Variants in AP3B1 observed in about 807,000 individuals in gnomAD.
AP3B1 encodes AP-3 complex subunit beta-1.
Under a neutral mutation model 132.5 loss-of-function variants are expected in AP3B1, and 61 were observed. The ratio of observed to expected loss-of-function variants is 0.46; its 90% CI spans 0.37 to 0.57. AP3B1 has a LOEUF of 0.57. Among genes scored for constraint, AP3B1 ranks in the 20% least tolerant of loss-of-function variants. The pLI is 0.00. For synonymous variants in AP3B1, 388 were observed against 438.3 expected (o/e 0.89, Z 1.43); for missense variants, 1,120 against 1,289.4 (o/e 0.87, Z 2.01).
chr5:78,003,709 G>A (rs980645648), intron 26 of AP3B1, among the ~76,000 whole-genome samples: 1 of 152,162 alleles, frequency 6.6e-6, no homozygotes, highest in Non-Finnish European at 1.5e-5. Context: ...TTTCTGTAGA[G>A]TGTAAACAAA....
Position 78,193,744 on chromosome 5 carries a change from TTATATATA to T in AP3B1, c.787-12090_787-12083del, listed in dbSNP as rs10602406. ...TTTTTAAATATTTGTATATATTTTT[TTATATATA>T]TATATATATATATATATATTTTTTT... On this transcript the variant is annotated intron_variant, in intron 7 of 26. Coordinates refer to ENST00000255194, the MANE Select transcript of AP3B1 (RefSeq NM_003664.5). Among the ~76,000 whole-genome samples, 601 of 110,384 alleles carry T rather than the reference TTATATATA, an allele frequency of 5.4e-3. 11 individuals are homozygous for T. Among genetic ancestry groups the T allele is most frequent in the Middle Eastern group, 0.024 (4 of 168 alleles). 72.4% of individuals were successfully genotyped at this position (110,384 alleles called of 152,430 possible).
chr5:78,007,447 T>C (rs75085359), intron 26 of AP3B1, among the ~76,000 whole-genome samples: 5 of 151,298 alleles, frequency 3.3e-5, no homozygotes, highest in African/African-American at 1.2e-4. Context: ...TTTTTTTTTT[T>C]GTACTCTGTA....
intron 3 of AP3B1, among the ~76,000 whole-genome samples, chr5:78,240,510 T>C (rs1372526997): frequency 6.6e-6 from 1 of 152,178 alleles, no homozygotes; most frequent in Non-Finnish European, 1.5e-5. Flanking sequence ...CATCAAGGTC[T>C]GGATATACCC....
In AP3B1 at chr5:78,019,775, A is replaced by G. The variant is rs1747012129; in HGVS notation, c.2992+917T>C. 2.6e-5 allele frequency among the ~76,000 whole-genome samples: 4 copies of G among 152,108 alleles called. 1 individual carries two copies. The South Asian group carries it at 8.3e-4, about 32-fold the overall frequency. ...AAAACAGTATCTTCAGCACAATAGC[A>G]GAGTGCCAGGAAGCGTGCCCCTCTT... On this transcript the variant is annotated intron_variant, in intron 25 of 26. Transcript: ENST00000255194.
intron 1 of AP3B1, among the ~76,000 whole-genome samples, chr5:78,279,736 T>A (rs1479164509): frequency 2.0e-5 from 3 of 150,300 alleles, no homozygotes; most frequent in African/African-American, 7.3e-5. Flanking sequence ...TAGGGAGACC[T>A]AATCTCTACA....
At chr5:78,020,987 C>T (rs1385330008) in intron 24 of AP3B1, among the ~76,000 whole-genome samples, 198 bp from the exon 25 acceptor site, 1 of 151,922 alleles carries the variant, frequency 6.6e-6, no homozygotes, top group African/African-American at 2.4e-5. Context: ...TCTGTTATCT[C>T]AATCAAGATT....
Position 78,245,202 on chromosome 5 carries a change from T to A in AP3B1, c.205-4266A>T, listed in dbSNP as rs568509053. Among the ~76,000 whole-genome samples, 10 of 152,144 alleles carry A rather than the reference T, an allele frequency of 6.6e-5. 1 individual carries two copies. The highest frequency in any genetic ancestry group is 1.5e-5 in the Non-Finnish European group (1 of 68,018). The stretch of plus-strand genomic sequence containing the variant: ...TATTTATTGAGTACAATCACTTAGA[T>A]CTGAGAAGCAGACGTTCAGGGCGAA... On this transcript the variant is annotated intron_variant, in intron 2 of 26. Coordinates refer to ENST00000255194, the MANE Select transcript of AP3B1 (RefSeq NM_003664.5).
intron 11 of AP3B1, among the ~76,000 whole-genome samples, chr5:78,168,447 C>G (rs1211914049): frequency 1.3e-5 from 2 of 151,994 alleles, no homozygotes. Context: ...TGGTCTCAAA[C>G]TCCTAGGCTC....
intron 6 of AP3B1, 145 bp from the exon 7 acceptor site, chr5:78,216,382 T>C (rs886497171): frequency 5.1e-6 from 4 of 781,514 alleles, no homozygotes; most frequent in African/African-American, 3.5e-5. Flanking sequence ...CATGTTTGAA[T>C]AACAAACTTT....
intron 15 of AP3B1, among the ~76,000 whole-genome samples, chr5:78,132,256 T>C (rs1333107597): frequency 6.6e-6 from 1 of 152,166 alleles, no homozygotes; most frequent in Admixed American, 6.5e-5. Context: ...AATAAGAACA[T>C]TGATTTTTAC....
chr5:78,068,358 A>AAGAAGGAGAAGGAGAAGG (rs113811186), intron 22 of AP3B1, among the ~76,000 whole-genome samples: 2 of 150,952 alleles, frequency 1.3e-5, no homozygotes, highest in African/African-American at 4.9e-5. Flanking sequence ...AAGAAGAAGA[A>AAGAAGGAGAAGGAGAAGG]AGAAGGAGAA....
In AP3B1 at chr5:78,243,054, T is replaced by C. The variant is rs537324035; in HGVS notation, c.205-2118A>G. ...CAATTTCTTATAAGAACTTTCTATATGATAGCCTTAAAATATTCTTGAATA... is the reference window on the plus strand; with the variant it reads ...CAATTTCTTATAAGAACTTTCTATACGATAGCCTTAAAATATTCTTGAATA... On this transcript the variant is annotated intron_variant, in intron 2 of 26. Transcript: ENST00000255194. Among the ~76,000 whole-genome samples, 108 of 152,352 alleles carry C rather than the reference T, an allele frequency of 7.1e-4. 1 individual carries two copies. Among genetic ancestry groups the C allele is most frequent in the Admixed American group, 3.9e-3 (59 of 15,300 alleles).
intron 22 of AP3B1, among the ~76,000 whole-genome samples, chr5:78,039,753 G>A (rs1747976853): frequency 6.7e-6 from 1 of 148,254 alleles, no homozygotes; most frequent in Admixed American, 6.7e-5. Context: ...ACTCCAGCCT[G>A]GGCGACAGAG....
intron 8 of AP3B1, 106 bp from the exon 9 acceptor site, chr5:78,177,542 T>C (rs1744198153): frequency 1.2e-6 from 1 of 852,244 alleles, no homozygotes; most frequent in Non-Finnish European, 2.0e-6. Flanking sequence ...CAAATTCCTG[T>C]GACGTAAAAT....
chr5:78,101,645 A>C (rs759499717), intron 20 of AP3B1, among the ~76,000 whole-genome samples: 1 of 152,096 alleles, frequency 6.6e-6, no homozygotes, highest in Non-Finnish European at 1.5e-5. Context: ...TTTCAAAAAC[A>C]TATCTGCATA....
intron 17 of AP3B1, among the ~76,000 whole-genome samples, chr5:78,119,377 T>C (rs1161209153): frequency 6.6e-6 from 1 of 151,920 alleles, no homozygotes; most frequent in African/African-American, 2.4e-5. Context: ...AGGCTTCAGA[T>C]GATCAAACTA....
intron 11 of AP3B1, among the ~76,000 whole-genome samples, 196 bp downstream of exon 11, chr5:78,175,430 G>A (rs1744107899): frequency 6.6e-6 from 1 of 152,096 alleles, no homozygotes; most frequent in African/African-American, 2.4e-5. Flanking sequence ...AGGTAGCATG[G>A]CTTAACTTTA....
intron 17 of AP3B1, among the ~76,000 whole-genome samples, 178 bp from the exon 18 acceptor site, chr5:78,116,412 A>C: frequency 6.6e-6 from 1 of 152,166 alleles, no homozygotes; most frequent in Non-Finnish European, 1.5e-5. Context: ...AAATACAACA[A>C]CACAAACTCT....
chr5:78,066,350 G>A (rs1179409769), intron 22 of AP3B1, among the ~76,000 whole-genome samples: 1 of 152,134 alleles, frequency 6.6e-6, no homozygotes, highest in Non-Finnish European at 1.5e-5. Flanking sequence ...TTAGACGGTG[G>A]GTAATAACGA....
Sources: gnomAD v4.1 joint callset for allele counts (sites outside exome capture counted in the v4.1 genomes callset) on GRCh38, gnomAD v4.1.1 for gene constraint, MANE v1.5 for transcripts, NCBI Gene and HGNC (gene_info 2026-07-23, HGNC 2026-07-21) for gene names.